MAP4K5: variants seen among roughly 807,000 people sequenced by gnomAD.
MAP4K5 encodes the protein MAPK/ERK kinase kinase kinase 5.
MAP4K5 carries 82 observed loss-of-function variants against 135.6 expected under a neutral mutation model. The ratio of observed to expected loss-of-function variants is 0.60; its 90% CI spans 0.51 to 0.73. The LOEUF (loss-of-function observed/expected upper bound fraction) is 0.73, where lower values mean the gene tolerates loss of function less well. MAP4K5 is among the 30% of genes least tolerant of loss of function. MAP4K5 has a pLI of 0.00. For missense variants in MAP4K5, 907 were observed against 1,010.9 expected, an observed-to-expected ratio of 0.90 and a Z score of 1.39; for synonymous variants, 347 against 335.0, an observed-to-expected ratio of 1.04 and a Z score of -0.39.
chr14:50,468,358 T>C (rs559500412), intron 10 of MAP4K5: 2 of 267,052 alleles, frequency 7.5e-6, no homozygotes, highest in Admixed American at 9.8e-5. Flanking sequence ...ACTCTTATGT[T>C]GTTTTAGGAG....
intron 1 of MAP4K5, chr14:50,560,364 T>A: frequency 6.3e-7 from 1 of 1,586,934 alleles, no homozygotes. Flanking sequence ...TTTCTGCTTC[T>A]GTGGAGACAG....
chr14:50,532,074 C>T lies in MAP4K5; in HGVS notation c.-25G>A. On this transcript the variant is annotated 5_prime_UTR_variant, in exon 2 of 33. Transcript: ENST00000682126. ...TCTTCACTTAGGGCCCGGCCCCCGCCAGCTCACCCCGCGGCTCCCGGATTC... is the reference window on the plus strand; with the variant it reads ...TCTTCACTTAGGGCCCGGCCCCCGCTAGCTCACCCCGCGGCTCCCGGATTC... The T allele has an allele frequency of 7.0e-7, 1 of 1,421,918 alleles. No individual in the cohort carries two copies. Among genetic ancestry groups the T allele is most frequent in the Non-Finnish European group, 9.6e-7 (1 of 1,037,640 alleles). The allele number at this position is 1,421,918 out of a possible 1,614,324, so 88.1% of individuals were successfully genotyped here. A position where few individuals can be genotyped will look rare whatever the true frequency, so the allele number is the denominator to read the frequency against.
At chr14:50,537,922 G>C (rs1004629952) in intron 2 of MAP4K5, among the ~76,000 whole-genome samples, 11 of 152,318 alleles carry the variant, frequency 7.2e-5, no homozygotes, top group Non-Finnish European at 1.3e-4. Context: ...ATGTTGGACT[G>C]TGGACTTTTG....
intron 2 of MAP4K5, among the ~76,000 whole-genome samples, chr14:50,506,697 T>A (rs2037817104): frequency 6.6e-6 from 1 of 152,228 alleles, no homozygotes; most frequent in Non-Finnish European, 1.5e-5. Context: ...TACTTTGTGA[T>A]AAGTTCACAT....
At chr14:50,420,234 C>T (rs17122518) in intron 32 of MAP4K5, 128 bp from the exon 33 acceptor site, 3 of 657,798 alleles carry the variant, frequency 4.6e-6, no homozygotes, top group Non-Finnish European at 5.5e-6. Context: ...CACAGACGCA[C>T]AATCAAATTC....
chr14:50,530,189 G>C (rs914175834), intron 2 of MAP4K5, among the ~76,000 whole-genome samples: 1 of 152,202 alleles, frequency 6.6e-6, no homozygotes, highest in Non-Finnish European at 1.5e-5. Context: ...GGTAGAGTAT[G>C]ATGAATATTC....
intron 12 of MAP4K5, among the ~76,000 whole-genome samples, 155 bp downstream of exon 12, chr14:50,463,891 CAAAAAA>C (rs56877870): frequency 1.1e-4 from 8 of 70,394 alleles, no homozygotes; most frequent in African/African-American, 4.8e-4. Context: ...ACCCTGTTTC[CAAAAAA>C]AAAAAAAAAA....
chr14:50,475,198 C>G (rs1386223661), intron 8 of MAP4K5, 49 bp from the exon 9 acceptor site: 2 of 1,399,004 alleles, frequency 1.4e-6, no homozygotes, highest in Non-Finnish European at 2.0e-6. Context: ...ATACACCAAA[C>G]AACATTTTTA....
chr14:50,530,281 C>T (rs187056109), intron 2 of MAP4K5, among the ~76,000 whole-genome samples: 2 of 152,266 alleles, frequency 1.3e-5, no homozygotes, highest in Admixed American at 6.5e-5. Flanking sequence ...TTAGCTGCCC[C>T]TTAAATATAA....
At chr14:50,560,699 G>A (rs2038830043) in intron 1 of MAP4K5, among the ~76,000 whole-genome samples, 2 of 152,334 alleles carry the variant, frequency 1.3e-5, no homozygotes, top group Non-Finnish European at 1.5e-5. Context: ...GCGAGGGGTC[G>A]GGGATCTAGA....
chr14:50,515,333 TA>T (rs1297363677), intron 2 of MAP4K5, among the ~76,000 whole-genome samples: 1 of 152,176 alleles, frequency 6.6e-6, no homozygotes, highest in Non-Finnish European at 1.5e-5. Flanking sequence ...CTGACCTAAT[TA>T]ACATTATACT....
Position 50,437,879 on chromosome 14 carries a change from A to G in MAP4K5, c.1823+15T>C. 7.0e-7 allele frequency: 1 copy of G among 1,424,398 alleles called. No individual in the cohort carries two copies. Among genetic ancestry groups the G allele is most frequent in the Non-Finnish European group, 9.9e-7 (1 of 1,010,544 alleles). The allele number at this position is 1,424,398 out of a possible 1,614,324, so 88.2% of individuals were successfully genotyped here. A position where few individuals can be genotyped will look rare whatever the true frequency, so the allele number is the denominator to read the frequency against. ...AATTCCCCTCATTCAGTAGAATCAA[A>G]ATGATATTTTGTACCTTGGTAGTAT... On this transcript the variant is annotated intron_variant, in intron 25 of 32. Transcript: ENST00000682126.
At chr14:50,438,357 T>G in intron 23 of MAP4K5, 1 of 196,708 alleles carries the variant, frequency 5.1e-6, no homozygotes, top group South Asian at 8.9e-5. Context: ...TGTGATTATT[T>G]TAATACAAGA....
intron 9 of MAP4K5, among the ~76,000 whole-genome samples, chr14:50,469,557 G>A (rs543467233): frequency 6.6e-6 from 1 of 152,176 alleles, no homozygotes; most frequent in Non-Finnish European, 1.5e-5. Flanking sequence ...ATGAAGGATA[G>A]TGTGAAATCA....
intron 2 of MAP4K5, among the ~76,000 whole-genome samples, chr14:50,507,900 C>T (rs1356780031): frequency 2.0e-5 from 3 of 152,168 alleles, no homozygotes; most frequent in African/African-American, 4.8e-5. Flanking sequence ...TCCTGGATAT[C>T]CTTGTTAACT....
At chr14:50,517,806 G>C (rs922955948) in intron 2 of MAP4K5, among the ~76,000 whole-genome samples, 1 of 152,078 alleles carries the variant, frequency 6.6e-6, no homozygotes, top group African/African-American at 2.4e-5. Flanking sequence ...AACGTTGAAA[G>C]TGTTCGATCC....
At chr14:50,422,948 CTTAG>C (rs1257402156) in intron 32 of MAP4K5, among the ~76,000 whole-genome samples, 169 bp downstream of exon 32, 1 of 152,118 alleles carries the variant, frequency 6.6e-6, no homozygotes, top group African/African-American at 2.4e-5. Context: ...CAAAAGGTTG[CTTAG>C]TTAACTTATT....
At chr14:50,525,549 C>G (rs564451636) in intron 2 of MAP4K5, among the ~76,000 whole-genome samples, 54 of 152,258 alleles carry the variant, frequency 3.5e-4, no homozygotes, top group African/African-American at 1.2e-3. Context: ...AAGTGTTTCT[C>G]TAGTCCGGGC....
rs910255645 is a variant in MAP4K5, at chr14:50,443,973, T to C, written c.1403A>G (p.Gln468Arg). ...TCGTTTGTCCTTTTTTCGTGGTAAC[T>C]GTGGTGCTTGTGCTGATCCTTCTGT... ...ENTEGSAQAP[Q>R]LPRKKDKRDF... Residue 468 changes from glutamine (Q) to arginine (R), a missense_variant, in exon 19 of 33, where the codon CAG becomes CGG. Around this residue, in one of 3 missense-constraint regions of MAP4K5, gnomAD observed 690 missense variants for 777.4 expected, o/e 0.89. Transcript: ENST00000682126. 3 of 1,609,424 alleles carry C rather than the reference T, an allele frequency of 1.9e-6. No homozygotes were observed.
Sources: allele counts gnomAD v4.1 joint callset (sites outside exome capture counted in the v4.1 genomes callset), GRCh38; gene constraint gnomAD v4.1.1; regional missense constraint gnomAD v4.1.1; transcripts MANE v1.5; gene names NCBI Gene and HGNC (gene_info 2026-07-23, HGNC 2026-07-21).